Variants in HOXC6 observed in about 807,000 individuals in gnomAD.
HOXC6 encodes the protein homeobox C6, also known as homeobox protein Hox-C6.
A neutral mutation model predicts 24.0 loss-of-function variants in HOXC6; 10 were observed. The ratio of observed to expected loss-of-function variants is 0.42; its 90% CI spans 0.26 to 0.71. HOXC6 has a LOEUF of 0.71. HOXC6 is among the 30% of genes least tolerant of loss of function. The pLI is 0.28. For missense variants in HOXC6, 258 were observed against 303.4 expected (o/e 0.85, Z 1.11); for synonymous variants, 123 against 128.1 (o/e 0.96, Z 0.27).
rs1940831720 is a variant in HOXC6 at position 54,028,488 on chromosome 12, A to T, written c.-34A>T. ...AACTGGAGACAGAAATAAATATTAA[A>T]GAAATCATAGACCGACCAGGTAAAG... On this transcript the variant is annotated 5_prime_UTR_variant, in exon 1 of 2. The change creates a new upstream start codon in the 5' untranslated region. Coordinates refer to ENST00000243108, the MANE Select transcript of HOXC6 (RefSeq NM_004503.4). 6.3e-7 allele frequency: 1 copy of T among 1,592,020 alleles called. No individual in the cohort carries two copies. The highest frequency in any genetic ancestry group is 8.6e-7 in the Non-Finnish European group (1 of 1,168,676).
intron 1 of HOXC6, among the ~76,000 whole-genome samples, chr12:54,019,447 A>G (rs1179444684): frequency 1.3e-5 from 2 of 152,248 alleles, no homozygotes; most frequent in South Asian, 2.1e-4. Context: ...GAGGGGCCCG[A>G]GAGGCCCGAA....
At chr12:54,027,655 T>C (rs1940783337), upstream of HOXC6, among the ~76,000 whole-genome samples, 1 of 152,096 alleles carries the variant, frequency 6.6e-6, no homozygotes, top group African/African-American at 2.4e-5. Context: ...TTATACATTT[T>C]CCCTTTTAGG....
chr12:54,021,304 G>A (rs1940424725), intron 1 of HOXC6: 1 of 152,218 alleles, frequency 6.6e-6, no homozygotes, highest in Non-Finnish European at 1.5e-5. Flanking sequence ...GATGAACTGC[G>A]TTTTAATCCT....
chr12:54,019,803 G>A (rs1057041781), intron 1 of HOXC6: 3 of 152,126 alleles, frequency 2.0e-5, no homozygotes, highest in Non-Finnish European at 4.4e-5. Context: ...GCACCATCCT[G>A]AGGTGTCTTT....
upstream of HOXC6, among the ~76,000 whole-genome samples, chr12:54,024,081 A>T (rs899929889): frequency 7.9e-5 from 12 of 152,382 alleles, no homozygotes; most frequent in Admixed American, 6.5e-4. Context: ...GTCGCTCCAG[A>T]ACAGCAAAGC....
upstream of HOXC6, among the ~76,000 whole-genome samples, chr12:54,024,206 C>T (rs1383149150): frequency 2.0e-5 from 3 of 151,952 alleles, no homozygotes; most frequent in Non-Finnish European, 4.4e-5. Flanking sequence ...GCGGGGCAAC[C>T]GTTCTTCTCT....
At chr12:54,018,810 T>C (rs1940288143) in intron 1 of HOXC6, among the ~76,000 whole-genome samples, 1 of 152,058 alleles carries the variant, frequency 6.6e-6, no homozygotes, top group Admixed American at 6.5e-5. Flanking sequence ...GGGGCCAGAC[T>C]TACCTTAATC....
Position 54,028,618 on chromosome 12 carries a change from C to T in HOXC6, c.97C>T (p.Pro33Ser), listed in dbSNP as rs1940839051. The change falls in exon 1 of 2, where the codon CCA (proline) becomes TCA (serine). Residue 33 changes from proline to serine, a missense_variant. By Grantham distance (74) the Pro-to-Ser change is moderately conservative. Transcript: ENST00000243108. ...NVALNSTAYDPVRHFSTYGAA... is the reference protein window; with the variant it reads ...NVALNSTAYDSVRHFSTYGAA... ...CGCCCTCAATTCCACCGCCTATGAT[C>T]CAGTGAGGCATTTCTCGACCTATGG... The T allele has an allele frequency of 6.2e-7, 1 of 1,614,128 alleles. No individual in the cohort carries two copies. Among genetic ancestry groups the T allele is most frequent in the Non-Finnish European group, 8.5e-7 (1 of 1,180,006 alleles).
In HOXC6 at chr12:54,028,514, G is replaced by A; in HGVS notation, c.-8G>A. 1.9e-6 allele frequency: 3 copies of A among 1,612,522 alleles called. No individual in the cohort carries two copies. The highest frequency in any genetic ancestry group is 3.3e-4 in the Middle Eastern group (2 of 6,054). ...GAAATCATAGACCGACCAGGTAAAGGCAAAGGGATGAATTCCTACTTCACT... is the reference window on the plus strand; with the variant it reads ...GAAATCATAGACCGACCAGGTAAAGACAAAGGGATGAATTCCTACTTCACT... On this transcript the variant is annotated 5_prime_UTR_variant, in exon 1 of 2. Transcript: ENST00000243108.
At position 54,028,445 on chromosome 12, in the gene HOXC6, C is replaced by A; in HGVS notation, c.-77C>A. ...CCTGGATTGGAGCCGTCCCTATAAC[C>A]ATCTAGTTCCGAGTACAAACTGGAG... On this transcript the variant is annotated 5_prime_UTR_variant, in exon 1 of 2. Coordinates refer to ENST00000243108, the MANE Select transcript of HOXC6 (RefSeq NM_004503.4). 1 of 1,477,318 alleles carries A rather than the reference C, an allele frequency of 6.8e-7. No individual in the cohort carries two copies. The highest frequency in any genetic ancestry group is 9.2e-7 in the Non-Finnish European group (1 of 1,084,264). 91.5% of individuals were successfully genotyped at this position (1,477,318 alleles called of 1,614,324 possible). A position where few individuals can be genotyped will look rare whatever the true frequency, so the allele number is the denominator to read the frequency against.
chr12:54,027,585 C>T (rs1036055586), upstream of HOXC6, among the ~76,000 whole-genome samples: 1 of 152,218 alleles, frequency 6.6e-6, no homozygotes, highest in Non-Finnish European at 1.5e-5. Context: ...CTCTGTCTTT[C>T]CCCCTCCGGT....
chr12:54,029,578 G>A (rs1940901420), intron 1 of HOXC6, 77 bp from the exon 2 acceptor site: 3 of 1,490,550 alleles, frequency 2.0e-6, no homozygotes, highest in Non-Finnish European at 2.7e-6. Context: ...GGGAGGGTCA[G>A]GACTTTGCTA....
upstream of HOXC6, among the ~76,000 whole-genome samples, chr12:54,026,623 C>G (rs1223934614): frequency 6.6e-6 from 1 of 152,130 alleles, no homozygotes; most frequent in Non-Finnish European, 1.5e-5. Flanking sequence ...AGGATTGGGG[C>G]TGTATTTTCT....
chr12:54,018,499 T>C (rs1405347016), intron 1 of HOXC6, among the ~76,000 whole-genome samples: 1 of 152,250 alleles, frequency 6.6e-6, no homozygotes, highest in Non-Finnish European at 1.5e-5. Flanking sequence ...GGGAGGGTCC[T>C]GGGCACTCGG....
upstream of HOXC6, chr12:54,028,246 CATATATAT>C (rs147627891): frequency 0.02 from 2,950 of 149,392 alleles, 166 homozygotes; most frequent in East Asian, 0.15. Context: ...AGTTCCCTTA[CATATATAT>C]ATATATATAT....
chr12:54,026,663 A>G (rs1025132343), upstream of HOXC6, among the ~76,000 whole-genome samples: 10 of 151,920 alleles, frequency 6.6e-5, no homozygotes, highest in Non-Finnish European at 1.5e-5. Context: ...TGGCAGGAAG[A>G]CTCTTCAACC....
At chr12:54,024,851 G>A (rs1200341022), upstream of HOXC6, among the ~76,000 whole-genome samples, 2 of 152,216 alleles carry the variant, frequency 1.3e-5, no homozygotes, top group Admixed American at 6.5e-5. Context: ...CAAGGCGCAG[G>A]CAGTAAATTT....
At chr12:54,024,172 C>G (rs999736775), upstream of HOXC6, among the ~76,000 whole-genome samples, 3 of 152,178 alleles carry the variant, frequency 2.0e-5, no homozygotes, top group Non-Finnish European at 4.4e-5. Flanking sequence ...TTTTAGCCCT[C>G]GCCCAGTGGC....
At chr12:54,018,227 T>C (rs1940252231) in intron 1 of HOXC6, among the ~76,000 whole-genome samples, 1 of 152,216 alleles carries the variant, frequency 6.6e-6, no homozygotes, top group South Asian at 2.1e-4. Context: ...CTACCGGCTT[T>C]CCCTTCCGGG....
Sources: allele counts gnomAD v4.1 joint callset (sites outside exome capture counted in the v4.1 genomes callset), GRCh38; gene constraint gnomAD v4.1.1; transcripts MANE v1.5; gene names NCBI Gene and HGNC (gene_info 2026-07-23, HGNC 2026-07-21).